ACCSL: variants seen among roughly 807,000 people sequenced by gnomAD.
ACCSL encodes 1-aminocyclopropane-1-carboxylate synthase homolog (inactive) like, also known as probable inactive 1-aminocyclopropane-1-carboxylate synthase-like protein 2.
A neutral mutation model predicts 61.7 loss-of-function variants in ACCSL; 55 were observed. The ratio of observed to expected loss-of-function variants is 0.89; its 90% CI spans 0.72 to 1.12. The LOEUF (loss-of-function observed/expected upper bound fraction) is 1.12. ACCSL is among the 50% of genes most tolerant of loss of function. The pLI, the probability that ACCSL is intolerant of heterozygous loss-of-function variation, is 0.00. For missense variants in ACCSL, 632 were observed against 698.0 expected (o/e 0.91, Z 1.07); for synonymous variants, 258 against 264.3 (o/e 0.98, Z 0.23).
the ACCSL span, among the ~76,000 whole-genome samples, chr11:43,952,220 CT>C: frequency 6.6e-6 from 1 of 152,112 alleles, no homozygotes; most frequent in Non-Finnish European, 1.5e-5. Context: ...CCTTACTCTC[CT>C]CCCACCCTCC....
At chr11:43,931,187 A>AC in the ACCSL span, among the ~76,000 whole-genome samples, 5 of 151,948 alleles carry the variant, frequency 3.3e-5, no homozygotes, top group Non-Finnish European at 4.4e-5. Context: ...CTGGAGGTGT[A>AC]CCCCCCACGC....
chr11:43,985,406 G>A, the ACCSL span, among the ~76,000 whole-genome samples: 1 of 152,206 alleles, frequency 6.6e-6, no homozygotes, highest in Non-Finnish European at 1.5e-5. Context: ...GACGTTCCCA[G>A]AAACCCAGCC....
chr11:43,969,241 G>C, the ACCSL span, among the ~76,000 whole-genome samples: 1 of 151,980 alleles, frequency 6.6e-6, no homozygotes, highest in African/African-American at 2.4e-5. Flanking sequence ...GGCGCCTGTA[G>C]TCTCAGCTAC....
chr11:44,048,319 C>T lies in ACCSL; in HGVS notation c.283C>T (p.Pro95Ser), dbSNP rs1952613319. The change falls in exon 1 of 14, where the codon CCT (proline) becomes TCT (serine). Residue 95 changes from proline (P) to serine (S), a missense_variant. Physicochemically the swap from Pro to Ser is moderately conservative, Grantham distance 74 (BLOSUM62 -1). Coordinates refer to ENST00000378832, the MANE Select transcript of ACCSL (RefSeq NM_001031854.2). ...CGCGAGTGGCCTGGAGCTCCAAGTG[C>T]CTCTTCCTTCTGAGGACTCTAGGGG... ...GAASGLELQV[P>S]LPSEDSRGDV... The T allele has an allele frequency of 4.3e-6, 7 of 1,613,908 alleles. No individual in the cohort carries two copies. The highest frequency in any genetic ancestry group is 5.9e-6 in the Non-Finnish European group (7 of 1,179,972).
chr11:44,058,364 G>A lies in ACCSL; in HGVS notation c.1375G>A (p.Glu459Lys), dbSNP rs763145911. 1.2e-6 allele frequency: 2 copies of A among 1,614,008 alleles called. No individual in the cohort carries two copies. The highest frequency in any genetic ancestry group is 8.5e-7 in the Non-Finnish European group (1 of 1,180,040). ...YLPTNCYRLR[E>K]AHKYITAELK... is the part of the protein sequence containing the mutation. ...ACCCACCAATTGCTACCGGCTCCGG[G>A]AAGCTCACAAGTACATCACTGCTGA... Residue 459 changes from glutamate to lysine, a missense_variant, in exon 12 of 14, where the codon GAA becomes AAA. Transcript: ENST00000378832.
the ACCSL span, among the ~76,000 whole-genome samples, chr11:43,928,784 G>A: frequency 2.8e-4 from 42 of 152,208 alleles, no homozygotes; most frequent in African/African-American, 7.2e-4. Flanking sequence ...TCATTCCTCC[G>A]CTCTCGGGAA....
the ACCSL span, among the ~76,000 whole-genome samples, chr11:44,005,849 A>G: frequency 6.6e-6 from 1 of 152,214 alleles, no homozygotes; most frequent in African/African-American, 2.4e-5. Context: ...GCTTACAGGC[A>G]TGTAGGATTT....
chr11:44,030,955 G>T, the ACCSL span, among the ~76,000 whole-genome samples: 1 of 152,174 alleles, frequency 6.6e-6, no homozygotes. Context: ...ACTCAGAGAG[G>T]TTAAGCAACA....
the ACCSL span, chr11:43,944,515 G>C: frequency 1.3e-5 from 2 of 153,178 alleles, no homozygotes; most frequent in Non-Finnish European, 2.9e-5. Context: ...TCCTCCAGGA[G>C]GGTGGGGCAT....
chr11:43,970,225 A>C, the ACCSL span, among the ~76,000 whole-genome samples: 16 of 152,044 alleles, frequency 1.1e-4, no homozygotes, highest in Admixed American at 1.3e-4. Context: ...TTATTTTTGG[A>C]AACAGGGTTT....
At chr11:44,051,750 G>A in intron 5 of ACCSL, 31 bp downstream of exon 5, 1 of 1,612,506 alleles carries the variant, frequency 6.2e-7, no homozygotes, top group Non-Finnish European at 8.5e-7. Context: ...TTCACTCTCA[G>A]TGAAATACTA....
the ACCSL span, among the ~76,000 whole-genome samples, chr11:43,967,691 T>C: frequency 1.3e-5 from 2 of 152,214 alleles, no homozygotes; most frequent in African/African-American, 4.8e-5. Flanking sequence ...TACCAGGTTT[T>C]ACTGACCTTT....
chr11:44,058,819 C>A, intron 13 of ACCSL, 120 bp downstream of exon 13: 2 of 1,248,214 alleles, frequency 1.6e-6, no homozygotes, highest in Non-Finnish European at 2.2e-6. Context: ...GTTTCCATGT[C>A]TATCTTTAGT....
chr11:43,941,855 T>C, the ACCSL span, among the ~76,000 whole-genome samples: 4 of 151,024 alleles, frequency 2.6e-5, no homozygotes, highest in African/African-American at 4.8e-5. Context: ...AGTAAAGCTC[T>C]CCAGATGGTA....
At chr11:44,042,622 G>GGTT in the ACCSL span, among the ~76,000 whole-genome samples, 6 of 43,444 alleles carry the variant, frequency 1.4e-4, no homozygotes, top group African/African-American at 3.4e-4. Context: ...TAGCCTTCCT[G>GGTT]GTTGTTTTTT....
At chr11:44,013,241 AGGAAACT>A in the ACCSL span, among the ~76,000 whole-genome samples, 49 of 152,382 alleles carry the variant, frequency 3.2e-4, 2 homozygotes, top group African/African-American at 1.1e-3. Flanking sequence ...ATCTATGCAT[AGGAAACT>A]TATGTATGTA....
the ACCSL span, among the ~76,000 whole-genome samples, chr11:43,960,176 A>T: frequency 6.6e-6 from 1 of 152,152 alleles, no homozygotes; most frequent in African/African-American, 2.4e-5. Context: ...CCCATGTACC[A>T]TAACACCCAT....
chr11:43,984,872 G>A, the ACCSL span, among the ~76,000 whole-genome samples: 1 of 152,264 alleles, frequency 6.6e-6, no homozygotes, highest in Non-Finnish European at 1.5e-5. Flanking sequence ...ACGGAGCAGA[G>A]GCTGCTGGGA....
chr11:44,056,132 G>A, intron 10 of ACCSL, 47 bp downstream of exon 10: 1 of 1,614,206 alleles, frequency 6.2e-7, no homozygotes, highest in Admixed American at 1.7e-5. Context: ...GGAGGAGCCA[G>A]GAATAGAAGG....
Sources: allele counts gnomAD v4.1 joint callset (sites outside exome capture counted in the v4.1 genomes callset), GRCh38; gene constraint gnomAD v4.1.1; transcripts MANE v1.5; gene names NCBI Gene and HGNC (gene_info 2026-07-23, HGNC 2026-07-21).